The following TMPRSS13 variants were observed in gnomAD, a reference collection of about 807,000 sequenced individuals.
TMPRSS13 encodes transmembrane serine protease 13.
TMPRSS13 carries 50 observed loss-of-function variants against 68.4 expected under a neutral mutation model. The ratio of observed to expected loss-of-function variants is 0.73; its 90% CI spans 0.58 to 0.93. TMPRSS13 has a LOEUF of 0.93. Ranked by LOEUF, TMPRSS13 falls within the 40% of genes least tolerant of loss-of-function variation. The pLI is 0.00. For missense variants in TMPRSS13, 615 were observed against 729.2 expected (o/e 0.84, Z 1.80); for synonymous variants, 267 against 285.8 (o/e 0.93, Z 0.66).
At position 117,914,216 on chromosome 11, in the gene TMPRSS13, T is replaced by C. The variant is rs2057550392; in HGVS notation, c.679+176A>G. On this transcript the variant is annotated intron_variant, in intron 4 of 12. Transcript: ENST00000524993. This position sits in a 1 kb window ranked among gnomAD's most constrained non-coding sequence, Gnocchi z 4.2. ...GGTCTGGATTACATACATGCACACA[T>C]GCACACACACATACGTGCACACACA... 6.6e-6 allele frequency among the ~76,000 whole-genome samples: 1 copy of C among 152,052 alleles called. No individual in the cohort carries two copies. Among genetic ancestry groups the C allele is most frequent in the African/African-American group, 2.4e-5 (1 of 41,394 alleles).
intron 1 of TMPRSS13, among the ~76,000 whole-genome samples, chr11:117,924,863 T>C (rs77642243): frequency 0.043 from 6,533 of 152,060 alleles, 248 homozygotes; most frequent in East Asian, 0.2. Flanking sequence ...CACCAGCATC[T>C]CCAGCACACA....
chr11:117,910,677 G>C (rs377273106), intron 7 of TMPRSS13, 30 bp downstream of exon 7: 52 of 1,599,780 alleles, frequency 3.3e-5, no homozygotes, highest in Non-Finnish European at 8.5e-6. Flanking sequence ...ACACGACACT[G>C]GCCACAATCC....
intron 8 of TMPRSS13, among the ~76,000 whole-genome samples, chr11:117,909,409 A>G (rs1186291788): frequency 6.6e-6 from 1 of 152,226 alleles, no homozygotes. Flanking sequence ...CAGCTGATAC[A>G]GTGCCCTGCC....
chr11:117,910,494 G>C (rs1025122150), intron 7 of TMPRSS13: 3 of 523,446 alleles, frequency 5.7e-6, no homozygotes, highest in Non-Finnish European at 6.8e-6. Context: ...AAGGTTGCTG[G>C]GCTGAGCCCC....
At chr11:117,909,669 C>A in intron 8 of TMPRSS13, 137 bp downstream of exon 8, 9 of 1,048,140 alleles carry the variant, frequency 8.6e-6, no homozygotes, top group Non-Finnish European at 1.2e-5. Flanking sequence ...ACCCAAGCTA[C>A]ACCAGTGCCA....
intron 6 of TMPRSS13, 120 bp from the exon 7 acceptor site, chr11:117,910,870 G>A: frequency 1.2e-6 from 1 of 868,142 alleles, no homozygotes; most frequent in Non-Finnish European, 1.8e-6. Context: ...CCTTTGTACA[G>A]GAAGCAGGAG....
chr11:117,903,759 G>A lies in TMPRSS13; in HGVS notation c.1573C>T (p.Leu525=), dbSNP rs1160254948. Residue 525 remains leucine (L), a synonymous_variant, in exon 12 of 13, where the codon CTG becomes TTG. Transcript: ENST00000524993. ...GTGCCCCAGCTGGTGACACCTGCCAGGTACCAGCGGTTGTTCTGCTCACAG... is the reference window on the plus strand; with the variant it reads ...GTGCCCCAGCTGGTGACACCTGCCAAGTACCAGCGGTTGTTCTGCTCACAG... The part of the protein sequence containing the change: ...LVCEQNNRWY[L]AGVTSWGTGC... The A allele has an allele frequency of 6.2e-7, 1 of 1,612,426 alleles. No homozygotes were observed. The highest frequency in any genetic ancestry group is 8.5e-7 in the Non-Finnish European group (1 of 1,179,310).
At chr11:117,908,806 G>T in intron 8 of TMPRSS13, 22 bp from the exon 9 acceptor site, 1 of 1,580,904 alleles carries the variant, frequency 6.3e-7, no homozygotes. Context: ...ACAAAGGAGC[G>T]TGGTCCAGTA....
Position 117,914,784 on chromosome 11 carries a change from G to T in TMPRSS13, c.557-270C>A, listed in dbSNP as rs1308632368. 6.6e-6 allele frequency among the ~76,000 whole-genome samples: 1 copy of T among 152,114 alleles called. No individual in the cohort carries two copies. The highest frequency in any genetic ancestry group is 1.5e-5 in the Non-Finnish European group (1 of 68,018). ...AAGAGAGAGAGAGACAGAGAGTGCT[G>T]TGGAGATGGGGACCACCTTGGGAAC... On this transcript the variant is annotated intron_variant, in intron 3 of 12. Transcript: ENST00000524993. The surrounding 1 kb of genome is among the most constrained non-coding windows in gnomAD (Gnocchi z 4.2).
At chr11:117,918,980 G>A in intron 1 of TMPRSS13, 142 bp from the exon 2 acceptor site, 1 of 1,207,678 alleles carries the variant, frequency 8.3e-7, no homozygotes, top group Non-Finnish European at 1.1e-6. Context: ...AAGCATCTGA[G>A]AGGAGGACTG....
At chr11:117,903,169 T>C (rs2057424632) in intron 12 of TMPRSS13, 2 of 1,380,552 alleles carry the variant, frequency 1.4e-6, no homozygotes, top group Non-Finnish European at 1.9e-6. Context: ...CTGTGAAAGT[T>C]GTCAGAGTTA....
Position 117,926,738 on chromosome 11 carries a change from G to A in TMPRSS13, c.21+2549C>T, listed in dbSNP as rs576881269. Among the ~76,000 whole-genome samples the A allele has an allele frequency of 3.9e-5, 6 of 152,326 alleles. No individual in the cohort carries two copies. In the South Asian group the frequency reaches 6.2e-4, roughly 16 times the overall value. On this transcript the variant is annotated intron_variant, in intron 1 of 12. Coordinates refer to ENST00000524993, the MANE Select transcript of TMPRSS13 (RefSeq NM_001077263.3). ...GGAGCCAGAAAGGAGCCTCAGGGGG[G>A]AATGTGTCCAACCCTCTTCTTTGGT... is the stretch of plus-strand genomic sequence containing the variant.
Position 117,903,820 on chromosome 11 carries a change from G to A in TMPRSS13, c.1525-13C>T. On this transcript the variant is annotated splice_polypyrimidine_tract_variant and intron_variant, in intron 11 of 12. Transcript: ENST00000524993. The stretch of plus-strand genomic sequence containing the variant: ...CCCCGCTGTCTCCCTGCAGGGGAGA[G>A]GGGGCACATTCGCAGGATGGGACAG... 6.2e-7 allele frequency: 1 copy of A among 1,608,732 alleles called. No individual in the cohort carries two copies. Among genetic ancestry groups the A allele is most frequent in the Non-Finnish European group, 8.5e-7 (1 of 1,177,696 alleles).
chr11:117,916,257 G>T (rs950021310), intron 3 of TMPRSS13, among the ~76,000 whole-genome samples: 1 of 152,188 alleles, frequency 6.6e-6, no homozygotes, highest in Non-Finnish European at 1.5e-5. Flanking sequence ...CTCCACTTTG[G>T]TTAGGCGGGT....
intron 6 of TMPRSS13, 150 bp from the exon 7 acceptor site, chr11:117,910,900 C>T (rs1157528691): frequency 2.8e-6 from 2 of 714,438 alleles, no homozygotes; most frequent in Non-Finnish European, 4.7e-6. Flanking sequence ...TTCCCCTTTC[C>T]CCATGTGACA....
At chr11:117,913,687 A>C in intron 5 of TMPRSS13, 90 bp downstream of exon 5, 2 of 1,522,244 alleles carry the variant, frequency 1.3e-6, no homozygotes, top group Non-Finnish European at 1.8e-6. Flanking sequence ...GGTCTTTTTA[A>C]TATAATGTTT....
chr11:117,926,273 G>A (rs113581683), intron 1 of TMPRSS13, among the ~76,000 whole-genome samples: 2,165 of 150,694 alleles, frequency 0.014, 53 homozygotes, highest in African/African-American at 0.05. Context: ...AGGACGAGGT[G>A]AGGGCTACAC....
At chr11:117,907,349 G>T (rs1434303230) in intron 9 of TMPRSS13, 4 of 152,404 alleles carry the variant, frequency 2.6e-5, no homozygotes, top group Admixed American at 6.5e-5. Flanking sequence ...CTACGAGTGG[G>T]TGTGACGCTG....
chr11:117,922,189 G>A lies in TMPRSS13; in HGVS notation c.22-3351C>T, dbSNP rs1479162627. Among the ~76,000 whole-genome samples, 1 of 152,172 alleles carries A rather than the reference G, an allele frequency of 6.6e-6. No homozygotes were observed. Among genetic ancestry groups the A allele is most frequent in the African/African-American group, 2.4e-5 (1 of 41,440 alleles). The stretch of plus-strand genomic sequence containing the variant: ...GCCTGATCTCACCCTCAGAGTAGAG[G>A]CCTTCAGCAGCTGGGGAATAGGAAG... On this transcript the variant is annotated intron_variant, in intron 1 of 12. Transcript: ENST00000524993. This position sits in a 1 kb window ranked among gnomAD's most constrained non-coding sequence, Gnocchi z 4.2.
Sources: gnomAD v4.1 joint callset for allele counts (sites outside exome capture counted in the v4.1 genomes callset) on GRCh38, gnomAD v4.1.1 for gene constraint, Gnocchi (gnomAD v3.1) non-coding constraint, MANE v1.5 for transcripts, NCBI Gene and HGNC (gene_info 2026-07-23, HGNC 2026-07-21) for gene names.